The following ARHGAP11A variants were observed in gnomAD, a reference collection of about 807,000 sequenced individuals.
ARHGAP11A encodes the protein Rho GTPase activating protein 11A.
Under a neutral mutation model 60.5 loss-of-function variants are expected in ARHGAP11A, and 36 were observed. The ratio of observed to expected loss-of-function variants is 0.59; its 90% CI spans 0.46 to 0.79. The LOEUF (loss-of-function observed/expected upper bound fraction) is 0.79, where lower values mean the gene tolerates loss of function less well. Ranked by LOEUF, ARHGAP11A falls within the 30% of genes least tolerant of loss-of-function variation. ARHGAP11A has a pLI of 0.00. For missense variants in ARHGAP11A, 1,071 were observed against 1,199.2 expected, an observed-to-expected ratio of 0.89 and a Z score of 1.58; for synonymous variants, 362 against 415.5, an observed-to-expected ratio of 0.87 and a Z score of 1.57.
At chr15:32,632,608 G>A (rs1171399529) in intron 8 of ARHGAP11A, among the ~76,000 whole-genome samples, 2 of 152,164 alleles carry the variant, frequency 1.3e-5, no homozygotes, top group African/African-American at 2.4e-5. Context: ...ATAGAAGTCC[G>A]TTTTCAGAGC....
rs369384014 is a variant in ARHGAP11A at position 32,636,298 on chromosome 15, C to G, written c.1525C>G (p.Pro509Ala). ...ISKSEETLLT[P>A]ERLVGTNYRM... Reference sequence around the variant, plus strand: ...TAAGTCTGAGGAAACCTTACTAACTCCAGAGCGACTAGTTGGAACAAATTA... The same window carrying G: ...TAAGTCTGAGGAAACCTTACTAACTGCAGAGCGACTAGTTGGAACAAATTA... Residue 509 changes from proline (P) to alanine (A), a missense_variant, in exon 12 of 12, where the codon CCA becomes GCA. Physicochemically the swap from Pro to Ala is conservative, Grantham distance 27. Transcript: ENST00000361627. 1 of 1,612,538 alleles carries G rather than the reference C, an allele frequency of 6.2e-7. No homozygotes were observed. The highest frequency in any genetic ancestry group is 2.2e-5 in the East Asian group (1 of 44,864).
intron 9 of ARHGAP11A, 137 bp downstream of exon 9, chr15:32,633,245 T>A: frequency 1.0e-6 from 1 of 957,750 alleles, no homozygotes; most frequent in East Asian, 2.6e-5. Flanking sequence ...TATAGTCTTA[T>A]TAATCAATTG....
At chr15:32,630,063 T>A (rs931314167) in intron 8 of ARHGAP11A, among the ~76,000 whole-genome samples, 4 of 112,396 alleles carry the variant, frequency 3.6e-5, no homozygotes, top group African/African-American at 1.6e-4. Context: ...TTTATGTGAT[T>A]AGACATCCTG....
Position 32,624,277 on chromosome 15 carries a change from A to G in ARHGAP11A, c.402A>G (p.Pro134=). Residue 134 remains proline, a synonymous_variant, in exon 4 of 12, where the codon CCA becomes CCG. Transcript: ENST00000361627. ...FFRELPEPIL[P]ADLHEALLKA... is the part of the protein sequence containing the mutation. ...GGGAACTGCCAGAGCCCATTCTCCC[A>G]GCTGATTTGCATGAAGCACTTTTGA... The G allele has an allele frequency of 6.2e-7, 1 of 1,613,728 alleles. No individual in the cohort carries two copies. Among genetic ancestry groups the G allele is most frequent in the African/African-American group, 1.3e-5 (1 of 74,954 alleles).
intron 9 of ARHGAP11A, 105 bp downstream of exon 9, chr15:32,633,213 T>G: frequency 7.5e-7 from 1 of 1,325,578 alleles, no homozygotes; most frequent in Non-Finnish European, 1.0e-6. Context: ...GAGTCATAAT[T>G]TTTTAAAATC....
intron 1 of ARHGAP11A, 129 bp downstream of exon 1, chr15:32,616,469 A>G (rs548645331): frequency 1.1e-4 from 159 of 1,390,688 alleles, no homozygotes; most frequent in Non-Finnish European, 4.1e-5. Context: ...AATTCAGTTC[A>G]GATGGTCGAT....
At chr15:32,628,388 C>T (rs2053514761) in intron 6 of ARHGAP11A, among the ~76,000 whole-genome samples, 1 of 152,162 alleles carries the variant, frequency 6.6e-6, no homozygotes, top group Non-Finnish European at 1.5e-5. Context: ...TTCGTGCCTC[C>T]ATTTCCATGG....
chr15:32,639,678 C>T lies in ARHGAP11A; in HGVS notation c.*1833C>T, dbSNP rs1335226456. On this transcript the variant is annotated 3_prime_UTR_variant, in exon 12 of 12. Coordinates refer to ENST00000361627, the MANE Select transcript of ARHGAP11A (RefSeq NM_014783.6). The stretch of plus-strand genomic sequence containing the variant: ...GTTTTAAAAACTACCACATGTGACT[C>T]CTATTTTTGTTAGCTGAAAGCTGCT... 1.3e-5 allele frequency: 2 copies of T among 152,094 alleles called. No homozygotes were observed. The highest frequency in any genetic ancestry group is 6.5e-5 in the Admixed American group (1 of 15,270). The allele number at this position is 152,094 out of a possible 1,614,324, so 9.4% of individuals were successfully genotyped here.
rs373006108 is a variant in ARHGAP11A, at chr15:32,636,462, A to G, written c.1689A>G (p.Ser563=). 8.1e-6 allele frequency: 13 copies of G among 1,613,826 alleles called. No individual in the cohort carries two copies. Among genetic ancestry groups the G allele is most frequent in the African/African-American group, 1.3e-5 (1 of 74,906 alleles). ...TGGTAGAAAAGTCACCTGCTACTTC[A>G]TGTGAACTCACCCCTTCCAATTTAA... The part of the protein sequence containing the change: ...DIMVEKSPAT[S]CELTPSNLNN... The change falls in exon 12 of 12, where the codon TCA becomes TCG. Residue 563 remains serine, a synonymous_variant. Coordinates refer to ENST00000361627, the MANE Select transcript of ARHGAP11A (RefSeq NM_014783.6).
intron 11 of ARHGAP11A, 129 bp from the exon 12 acceptor site, chr15:32,636,125 TAAA>T: frequency 7.1e-7 from 1 of 1,407,334 alleles, no homozygotes; most frequent in Non-Finnish European, 9.3e-7. Flanking sequence ...ATTCTTATGT[TAAA>T]AATTATTTCT....
intron 8 of ARHGAP11A, 64 bp from the exon 9 acceptor site, chr15:32,632,915 A>G: frequency 7.2e-7 from 1 of 1,380,868 alleles, no homozygotes; most frequent in South Asian, 1.6e-5. Context: ...TGCTGCTATT[A>G]CTATTTTATA....
Position 32,638,633 on chromosome 15 carries a change from C to T in ARHGAP11A, c.*788C>T, listed in dbSNP as rs1567063052. On this transcript the variant is annotated 3_prime_UTR_variant, in exon 12 of 12. Transcript: ENST00000361627. ...TTTCCTTCAATAGCATCCTAAAACT[C>T]TATTTTTATTTGGGGCAGAGTAATT... 6.6e-6 allele frequency: 1 copy of T among 151,252 alleles called. No individual in the cohort carries two copies. Among genetic ancestry groups the T allele is most frequent in the Non-Finnish European group, 1.5e-5 (1 of 67,024 alleles). 9.4% of individuals were successfully genotyped at this position (151,252 alleles called of 1,614,324 possible).
Position 32,616,098 on chromosome 15 carries a change from C to T in ARHGAP11A, c.-114C>T, listed in dbSNP as rs959427155. ...GGGCCGCAGAAGTGCCAGACGGGGC[C>T]GGAAAGCAGCCGAGCGGAGTTCAAA... On this transcript the variant is annotated 5_prime_UTR_variant, in exon 1 of 12. Coordinates refer to ENST00000361627, the MANE Select transcript of ARHGAP11A (RefSeq NM_014783.6). 2.0e-6 allele frequency: 3 copies of T among 1,477,658 alleles called. No homozygotes were observed. The African/African-American group carries it at 4.3e-5, about 21-fold the overall frequency. The allele number at this position is 1,477,658 out of a possible 1,614,324, so 91.5% of individuals were successfully genotyped here.
chr15:32,620,259 C>G, intron 2 of ARHGAP11A, 81 bp downstream of exon 2: 1 of 1,609,024 alleles, frequency 6.2e-7, no homozygotes, highest in Non-Finnish European at 8.5e-7. Flanking sequence ...CCGAGGTGGG[C>G]AAATCACTTG....
intron 8 of ARHGAP11A, among the ~76,000 whole-genome samples, chr15:32,630,360 G>C (rs569419892): frequency 1.7e-4 from 18 of 107,238 alleles, no homozygotes; most frequent in Non-Finnish European, 2.9e-4. Context: ...GCCAACCAGA[G>C]CCTTCAGAGA....
intron 1 of ARHGAP11A, among the ~76,000 whole-genome samples, chr15:32,618,912 C>T (rs963994446): frequency 6.6e-6 from 1 of 152,172 alleles, no homozygotes; most frequent in Non-Finnish European, 1.5e-5. Context: ...GATTGCGCCA[C>T]TGCACTCCAG....
chr15:32,619,541 C>A (rs1303283000), intron 1 of ARHGAP11A, among the ~76,000 whole-genome samples: 1 of 151,504 alleles, frequency 6.6e-6, no homozygotes, highest in African/African-American at 2.4e-5. Flanking sequence ...TTGCTTACTG[C>A]AGGGCATGGT....
chr15:32,634,226 G>A (rs957820919), intron 10 of ARHGAP11A, among the ~76,000 whole-genome samples, 185 bp downstream of exon 10: 2 of 152,070 alleles, frequency 1.3e-5, no homozygotes, highest in African/African-American at 4.8e-5. Context: ...TTAGTCCTTG[G>A]ACTTCTCTTT....
chr15:32,631,398 C>T (rs567101978), intron 8 of ARHGAP11A, among the ~76,000 whole-genome samples: 2,713 of 151,734 alleles, frequency 0.018, 93 homozygotes, highest in African/African-American at 0.063. Context: ...CAGGTTCAAG[C>T]GATTTTCCTG....
Sources: allele counts gnomAD v4.1 joint callset (sites outside exome capture counted in the v4.1 genomes callset), GRCh38; gene constraint gnomAD v4.1.1; transcripts MANE v1.5; gene names NCBI Gene and HGNC (gene_info 2026-07-23, HGNC 2026-07-21).